The following LARGE1 variants were observed in gnomAD, a reference collection of about 807,000 sequenced individuals.
The protein encoded by LARGE1 is LARGE xylosyl- and glucuronyltransferase 1, also known as xylosyl- and glucuronyltransferase LARGE1.
In LARGE1, 43 loss-of-function variants were observed where a neutral mutation model predicts 87.6. The observed-to-expected ratio is 0.49, with a 90% confidence interval of 0.38 to 0.63. The LOEUF (loss-of-function observed/expected upper bound fraction) is 0.63, where lower values mean the gene tolerates loss of function less well. Ranked by LOEUF, LARGE1 falls within the 30% of genes least tolerant of loss-of-function variation. The probability of loss-of-function intolerance (pLI) is 0.00; values close to 1 mark genes in which losing one functional copy is unlikely to be tolerated. For synonymous variants in LARGE1, 434 were observed against 394.6 expected (o/e 1.10, Z -1.18); for missense variants, 802 against 1,000.2 (o/e 0.80, Z 2.67).
intron 1 of LARGE1, among the ~76,000 whole-genome samples, chr22:33,843,468 TAA>T (rs773485887): frequency 1.3e-5 from 2 of 149,702 alleles, no homozygotes; most frequent in Admixed American, 1.3e-4. Flanking sequence ...AATAAATAAA[TAA>T]AAATAAAAAA....
Position 33,384,510 on chromosome 22 carries a change from T to A in LARGE1, c.893-206A>T, listed in dbSNP as rs983685275. Among the ~76,000 whole-genome samples, 4 of 124,918 alleles carry A rather than the reference T, an allele frequency of 3.2e-5. 1 individual carries two copies. Among genetic ancestry groups the A allele is most frequent in the African/African-American group, 1.1e-4 (4 of 37,486 alleles). The allele number at this position is 124,918 out of a possible 152,430, so 82.0% of individuals were successfully genotyped here. A position where few individuals can be genotyped will look rare whatever the true frequency, so the allele number is the denominator to read the frequency against. ...ATGGGGCACCTGTTTTGGAGACGAATACACCTGGGTTCAAGCCTAGGACCT... is the reference window on the plus strand; with the variant it reads ...ATGGGGCACCTGTTTTGGAGACGAAAACACCTGGGTTCAAGCCTAGGACCT... On this transcript the variant is annotated intron_variant, in intron 7 of 14. Coordinates refer to ENST00000397394, the MANE Select transcript of LARGE1 (RefSeq NM_133642.5).
At chr22:33,628,444 G>A (rs1185732198) in intron 3 of LARGE1, among the ~76,000 whole-genome samples, 1 of 151,682 alleles carries the variant, frequency 6.6e-6, no homozygotes, top group African/African-American at 2.4e-5. Flanking sequence ...AGCCTTCTGA[G>A]TAGCTAGGAT....
chr22:33,108,123 G>A, the LARGE1 span, among the ~76,000 whole-genome samples: 4 of 152,014 alleles, frequency 2.6e-5, no homozygotes, highest in South Asian at 4.1e-4. Flanking sequence ...CATGTGTGCC[G>A]TTGTAACTAT....
At chr22:33,361,096 C>T (rs1043003710) in intron 9 of LARGE1, among the ~76,000 whole-genome samples, 1 of 149,050 alleles carries the variant, frequency 6.7e-6, no homozygotes, top group African/African-American at 2.5e-5. Context: ...GCCTGTAATC[C>T]CAGCTACTCG....
chr22:33,394,428 G>A (rs2065649012), intron 7 of LARGE1, among the ~76,000 whole-genome samples: 1 of 152,160 alleles, frequency 6.6e-6, no homozygotes, highest in Admixed American at 6.5e-5. Flanking sequence ...TCGAACTCCT[G>A]ACCTCGTAAT....
intron 13 of LARGE1, among the ~76,000 whole-genome samples, chr22:33,280,843 G>C (rs1402040501): frequency 6.6e-6 from 1 of 152,210 alleles, no homozygotes; most frequent in Non-Finnish European, 1.5e-5. Flanking sequence ...GTATGCATTA[G>C]AATTATCTGG....
chr22:33,318,996 G>A (rs904705488), intron 10 of LARGE1, among the ~76,000 whole-genome samples: 11 of 152,238 alleles, frequency 7.2e-5, no homozygotes, highest in Admixed American at 2.6e-4. Context: ...TACCTGTTAA[G>A]ACCATTGCCT....
At chr22:33,421,982 T>C (rs1732046721) in intron 7 of LARGE1, among the ~76,000 whole-genome samples, 1 of 152,226 alleles carries the variant, frequency 6.6e-6, no homozygotes, top group African/African-American at 2.4e-5. Flanking sequence ...TGGAGAGAAG[T>C]AGCCCATGGC....
At chr22:33,597,153 T>C (rs568509694) in intron 5 of LARGE1, among the ~76,000 whole-genome samples, 44 of 152,144 alleles carry the variant, frequency 2.9e-4, no homozygotes, top group African/African-American at 1.1e-3. Context: ...TGGTCCCCAC[T>C]GAACTATAAA....
At chr22:33,824,886 AT>A (rs1303565677) in intron 1 of LARGE1, among the ~76,000 whole-genome samples, 1 of 152,230 alleles carries the variant, frequency 6.6e-6, no homozygotes, top group Non-Finnish European at 1.5e-5. Context: ...GTCCAGCAAC[AT>A]ATTTTTGCAC....
At chr22:33,409,421 C>A (rs2066226550) in intron 7 of LARGE1, among the ~76,000 whole-genome samples, 1 of 152,084 alleles carries the variant, frequency 6.6e-6, no homozygotes. Context: ...TACATCACTG[C>A]CTGTCCCCTT....
chr22:33,803,808 G>GT (rs2086233640), intron 1 of LARGE1, among the ~76,000 whole-genome samples: 1 of 152,176 alleles, frequency 6.6e-6, no homozygotes, highest in Non-Finnish European at 1.5e-5. Context: ...CCCAGGACTG[G>GT]TTAGGCAGGC....
chr22:33,443,093 T>C (rs1454077785), intron 6 of LARGE1, among the ~76,000 whole-genome samples: 5 of 152,286 alleles, frequency 3.3e-5, no homozygotes, highest in East Asian at 3.9e-4. Flanking sequence ...CACCCAGCCA[T>C]TGATTGCTTT....
intron 10 of LARGE1, among the ~76,000 whole-genome samples, chr22:33,330,677 T>C (rs12484156): frequency 0.32 from 48,439 of 152,066 alleles, 7,921 homozygotes; most frequent in Non-Finnish European, 0.38. Context: ...GAGAGACAAG[T>C]GGCTGTGACC....
At chr22:33,868,976 CG>C (rs1175284473) in intron 1 of LARGE1, among the ~76,000 whole-genome samples, 2 of 152,052 alleles carry the variant, frequency 1.3e-5, no homozygotes, top group Admixed American at 1.3e-4. Context: ...TGATTCCAAA[CG>C]TGGGGTTGTG....
intron 2 of LARGE1, among the ~76,000 whole-genome samples, chr22:33,707,725 G>A (rs1050898223): frequency 3.3e-5 from 5 of 152,248 alleles, no homozygotes; most frequent in Admixed American, 6.5e-5. Context: ...AGAGGATTTT[G>A]TGTCTCTTTT....
At chr22:33,167,414 G>A (rs985029332) in intron 11 of LARGE1, among the ~76,000 whole-genome samples, 16 of 152,132 alleles carry the variant, frequency 1.1e-4, no homozygotes, top group African/African-American at 3.9e-4. Flanking sequence ...TTTTGCATTC[G>A]ATGAACAGTG....
intron 9 of LARGE1, among the ~76,000 whole-genome samples, chr22:33,371,064 A>G (rs1411492112): frequency 6.6e-6 from 1 of 151,018 alleles, no homozygotes; most frequent in Non-Finnish European, 1.5e-5. Context: ...TACATGTTAT[A>G]GAATAACATG....
At chr22:33,239,539 T>TTC (rs1926410942) in intron 11 of LARGE1, among the ~76,000 whole-genome samples, 1 of 130,586 alleles carries the variant, frequency 7.7e-6, no homozygotes, top group African/African-American at 3.1e-5. Context: ...TCTTTTCTTT[T>TTC]TTTTTTTTTT....
Sources: gnomAD v4.1 joint callset for allele counts (sites outside exome capture counted in the v4.1 genomes callset) on GRCh38, gnomAD v4.1.1 for gene constraint, MANE v1.5 for transcripts, NCBI Gene and HGNC (gene_info 2026-07-23, HGNC 2026-07-21) for gene names.